Variants in LRRC4C observed in about 807,000 individuals in gnomAD.
LRRC4C encodes leucine-rich repeat-containing protein 4C.
A neutral mutation model predicts 33.6 loss-of-function variants in LRRC4C; 5 were observed. That is an observed-to-expected ratio of 0.15 (90% confidence interval 0.08 to 0.31). The LOEUF (loss-of-function observed/expected upper bound fraction) is 0.31, where lower values mean the gene tolerates loss of function less well. Ranked by LOEUF, LRRC4C falls within the 10% of genes least tolerant of loss-of-function variation. LRRC4C has a pLI of 1.00. For synonymous variants in LRRC4C, 329 were observed against 302.0 expected, an observed-to-expected ratio of 1.09 and a Z score of -0.93; for missense variants, 560 against 796.7, an observed-to-expected ratio of 0.70 and a Z score of 3.58.
At chr11:40,650,297 G>C (rs1478253397) in intron 2 of LRRC4C, among the ~76,000 whole-genome samples, 1 of 152,066 alleles carries the variant, frequency 6.6e-6, no homozygotes, top group Non-Finnish European at 1.5e-5. Flanking sequence ...TTAAAAAACA[G>C]GAAAATTTCC....
intron 1 of LRRC4C, among the ~76,000 whole-genome samples, chr11:41,130,947 C>CT (rs1229581865): frequency 5.9e-5 from 9 of 151,788 alleles, no homozygotes; most frequent in South Asian, 2.1e-4. Flanking sequence ...AGAGAAAAAT[C>CT]TTTTTTTTGC....
At chr11:40,243,599 T>A (rs1425932639) in intron 4 of LRRC4C, among the ~76,000 whole-genome samples, 1 of 152,042 alleles carries the variant, frequency 6.6e-6, no homozygotes, top group East Asian at 1.9e-4. Context: ...CCTATGTATA[T>A]CACTTTTTTA....
intron 3 of LRRC4C, among the ~76,000 whole-genome samples, chr11:40,633,998 T>C (rs1054760006): frequency 6.6e-6 from 1 of 152,214 alleles, no homozygotes; most frequent in Non-Finnish European, 1.5e-5. Context: ...TACATTCTTC[T>C]CTTAATTAAG....
At chr11:41,088,742 C>T (rs543962753) in intron 1 of LRRC4C, among the ~76,000 whole-genome samples, 195 of 152,016 alleles carry the variant, frequency 1.3e-3, no homozygotes, top group Non-Finnish European at 2.3e-3. Flanking sequence ...TTGAATAGAT[C>T]AGAGAGGAAA....
chr11:40,875,695 C>A (rs1470354603), intron 2 of LRRC4C, among the ~76,000 whole-genome samples: 1 of 152,120 alleles, frequency 6.6e-6, no homozygotes, highest in African/African-American at 2.4e-5. Flanking sequence ...CTTAACTCAG[C>A]AGTCCCAAAC....
intron 1 of LRRC4C, among the ~76,000 whole-genome samples, chr11:41,373,741 G>A (rs1952837529): frequency 6.6e-6 from 1 of 151,994 alleles, no homozygotes; most frequent in Non-Finnish European, 1.5e-5. Flanking sequence ...GAATGTATAG[G>A]ATCCATGAAA....
chr11:40,977,993 C>T (rs1852207198), intron 1 of LRRC4C, among the ~76,000 whole-genome samples: 1 of 152,148 alleles, frequency 6.6e-6, no homozygotes, highest in African/African-American at 2.4e-5. Flanking sequence ...ATTGTCATGG[C>T]CACCTAATTC....
In LRRC4C at chr11:40,444,327, ATTTAT is replaced by A. The variant is rs1398188594; in HGVS notation, c.-269-124611_-269-124607del. 8.1e-5 allele frequency among the ~76,000 whole-genome samples: 12 copies of A among 148,974 alleles called. No homozygotes were observed. The East Asian group carries it at 1.2e-3, about 14-fold the overall frequency. ...AATCTCTGCCTTAACATTTTTTTTA[ATTTAT>A]TTTATTTATTTTATTTTTTATTTTT... On this transcript the variant is annotated intron_variant, in intron 3 of 6. Coordinates refer to ENST00000528697, the MANE Select transcript of LRRC4C (RefSeq NM_001258419.2).
chr11:40,751,703 T>C (rs1948698316), intron 2 of LRRC4C, among the ~76,000 whole-genome samples: 1 of 152,042 alleles, frequency 6.6e-6, no homozygotes, highest in Non-Finnish European at 1.5e-5. Context: ...TTCACTCCAA[T>C]CCTTATCAAA....
chr11:40,366,889 A>G (rs1948231186), intron 3 of LRRC4C, among the ~76,000 whole-genome samples: 1 of 152,078 alleles, frequency 6.6e-6, no homozygotes, highest in South Asian at 2.1e-4. Context: ...GAAGATAGGA[A>G]GACTAACTGG....
intron 1 of LRRC4C, among the ~76,000 whole-genome samples, chr11:41,278,111 C>T (rs187850037): frequency 2.6e-3 from 391 of 152,152 alleles, no homozygotes; most frequent in Non-Finnish European, 4.7e-3. Context: ...TTCAAGAGAT[C>T]TATTTCATGC....
At chr11:40,817,660 C>G (rs1171002382) in intron 2 of LRRC4C, among the ~76,000 whole-genome samples, 2 of 152,060 alleles carry the variant, frequency 1.3e-5, no homozygotes. Context: ...GTAATTTGCC[C>G]AAGTCAGAAA....
Position 41,402,615 on chromosome 11 carries a change from C to A in LRRC4C, c.-496+56816G>T, listed in dbSNP as rs572483529. Reference sequence around the variant, plus strand: ...TATTTGCGTCTAAAGAGTTAACTGTCAATGTATTTTAAGAAACCAAAGAAG... The same window carrying A: ...TATTTGCGTCTAAAGAGTTAACTGTAAATGTATTTTAAGAAACCAAAGAAG... On this transcript the variant is annotated intron_variant, in intron 1 of 6. Coordinates refer to ENST00000528697, the MANE Select transcript of LRRC4C (RefSeq NM_001258419.2). Among the ~76,000 whole-genome samples the A allele has an allele frequency of 1.3e-4, 19 of 151,990 alleles. No homozygotes were observed. The East Asian group carries it at 2.7e-3, about 22-fold the overall frequency.
chr11:40,376,883 C>A (rs957099401), intron 3 of LRRC4C, among the ~76,000 whole-genome samples: 2 of 152,108 alleles, frequency 1.3e-5, no homozygotes, highest in Admixed American at 1.3e-4. Flanking sequence ...TCCTGAGGAA[C>A]AGAACATATA....
intron 2 of LRRC4C, among the ~76,000 whole-genome samples, chr11:40,912,200 A>G (rs1956730713): frequency 6.6e-6 from 1 of 152,148 alleles, no homozygotes; most frequent in African/African-American, 2.4e-5. Flanking sequence ...AGAGAATGCC[A>G]CAAAGATACT....
chr11:40,226,756 A>G (rs1002127786), intron 5 of LRRC4C, among the ~76,000 whole-genome samples: 4 of 152,192 alleles, frequency 2.6e-5, no homozygotes, highest in Admixed American at 2.6e-4. Flanking sequence ...ATGTAACCTG[A>G]GGGGACAGCT....
chr11:40,979,503 C>T (rs1250224584), intron 1 of LRRC4C, among the ~76,000 whole-genome samples: 1 of 152,178 alleles, frequency 6.6e-6, no homozygotes, highest in Non-Finnish European at 1.5e-5. Flanking sequence ...TCATTACCAC[C>T]ATTTCTTTCC....
At chr11:40,487,501 A>G (rs957804956) in intron 3 of LRRC4C, among the ~76,000 whole-genome samples, 4 of 152,078 alleles carry the variant, frequency 2.6e-5, no homozygotes, top group Non-Finnish European at 5.9e-5. Flanking sequence ...ACTATCCTGG[A>G]TCACCTGGGT....
At chr11:40,308,785 G>A (rs948974130) in intron 4 of LRRC4C, among the ~76,000 whole-genome samples, 4 of 152,148 alleles carry the variant, frequency 2.6e-5, no homozygotes, top group East Asian at 1.9e-4. Flanking sequence ...CAGCAGTGAC[G>A]GAAGTAGAGC....
Sources: gnomAD v4.1 joint callset for allele counts (sites outside exome capture counted in the v4.1 genomes callset) on GRCh38, gnomAD v4.1.1 for gene constraint, MANE v1.5 for transcripts, NCBI Gene and HGNC (gene_info 2026-07-23, HGNC 2026-07-21) for gene names.